The following ZMYND12 variants were observed in gnomAD, a reference collection of about 807,000 sequenced individuals.
ZMYND12 encodes the protein zinc finger MYND domain-containing protein 12.
Under a neutral mutation model 41.7 loss-of-function variants are expected in ZMYND12, and 32 were observed. The observed-to-expected ratio is 0.77, with a 90% CI of 0.58 to 1.03. The LOEUF is 1.03. Among genes scored for constraint, ZMYND12 ranks in the 50% least tolerant of loss-of-function variants. The pLI is 0.00. For synonymous variants in ZMYND12, 148 were observed against 164.8 expected (o/e 0.90, Z 0.78); for missense variants, 424 against 438.5 (o/e 0.97, Z 0.30).
At chr1:42,438,041 C>T (rs1387750229) in intron 4 of ZMYND12, among the ~76,000 whole-genome samples, 1 of 150,570 alleles carries the variant, frequency 6.6e-6, no homozygotes, top group African/African-American at 2.4e-5. Flanking sequence ...GAACTCCTGA[C>T]CTCATGATCT....
chr1:42,444,722 T>A (rs1046512059), intron 3 of ZMYND12, among the ~76,000 whole-genome samples: 4 of 152,088 alleles, frequency 2.6e-5, no homozygotes, highest in African/African-American at 9.7e-5. Context: ...TACAGTCTAC[T>A]GGAGCAGGGA....
chr1:42,430,576 A>G lies in ZMYND12; in HGVS notation c.*160T>C, dbSNP rs1432713025. 4 of 865,926 alleles carry G rather than the reference A, an allele frequency of 4.6e-6. No homozygotes were observed. The Admixed American group carries it at 9.8e-5, about 21-fold the overall frequency. The allele number at this position is 865,926 out of a possible 1,614,324, so 53.6% of individuals were successfully genotyped here. A position where few individuals can be genotyped will look rare whatever the true frequency, so the allele number is the denominator to read the frequency against. ...GCCTAAAGCTTTATATTCCCTTAAT[A>G]TGCTGTGTAAGAAAAAAATAACAGC... On this transcript the variant is annotated 3_prime_UTR_variant, in exon 8 of 8. Coordinates refer to ENST00000372565, the MANE Select transcript of ZMYND12 (RefSeq NM_032257.5).
chr1:42,444,220 A>G (rs964015439), intron 3 of ZMYND12, among the ~76,000 whole-genome samples: 6 of 152,144 alleles, frequency 3.9e-5, no homozygotes, highest in Non-Finnish European at 8.8e-5. Flanking sequence ...GAGAGAAAAG[A>G]GCATCCCAGG....
At chr1:42,437,877 TG>T (rs1480081963) in intron 4 of ZMYND12, among the ~76,000 whole-genome samples, 1 of 152,170 alleles carries the variant, frequency 6.6e-6, no homozygotes, top group African/African-American at 2.4e-5. Context: ...GGTTTCACCA[TG>T]TTAGTCAGGC....
chr1:42,455,613 A>C (rs149610261), intron 1 of ZMYND12, among the ~76,000 whole-genome samples: 11 of 152,304 alleles, frequency 7.2e-5, no homozygotes, highest in African/African-American at 2.4e-4. Flanking sequence ...GGAATGTTAG[A>C]TCTTTGAAGG....
At chr1:42,431,091 A>G (rs1481533368) in intron 7 of ZMYND12, among the ~76,000 whole-genome samples, 3 of 152,170 alleles carry the variant, frequency 2.0e-5, no homozygotes, top group Non-Finnish European at 4.4e-5. Context: ...CTAAGTACAA[A>G]CTAAGTATAC....
At chr1:42,436,224 C>G (rs1642906859) in intron 5 of ZMYND12, among the ~76,000 whole-genome samples, 197 bp downstream of exon 5, 1 of 152,244 alleles carries the variant, frequency 6.6e-6, no homozygotes, top group East Asian at 1.9e-4. Context: ...AAGGGTTAGT[C>G]TATTTTGGTA....
chr1:42,455,167 C>T (rs980749925), intron 1 of ZMYND12, among the ~76,000 whole-genome samples: 5 of 152,268 alleles, frequency 3.3e-5, no homozygotes, highest in Admixed American at 2.6e-4. Context: ...CCCTAGCAGT[C>T]CCGGATGCCG....
intron 6 of ZMYND12, among the ~76,000 whole-genome samples, chr1:42,434,411 G>A (rs1034977670): frequency 6.6e-6 from 1 of 152,118 alleles, no homozygotes; most frequent in East Asian, 1.9e-4. Flanking sequence ...CTTGGCTTAC[G>A]TGTCCTGGAG....
chr1:42,452,694 C>T (rs1302797575), intron 1 of ZMYND12, among the ~76,000 whole-genome samples: 1 of 152,038 alleles, frequency 6.6e-6, no homozygotes, highest in Non-Finnish European at 1.5e-5. Flanking sequence ...CAGAGCAAGA[C>T]TCCGTCTCAA....
chr1:42,447,400 A>T (rs1296545036), intron 3 of ZMYND12, among the ~76,000 whole-genome samples: 1 of 152,242 alleles, frequency 6.6e-6, no homozygotes, highest in Non-Finnish European at 1.5e-5. Context: ...AAAAGTCAAG[A>T]AAAGGTTGAG....
At chr1:42,433,581 CT>C (rs1247803938) in intron 6 of ZMYND12, among the ~76,000 whole-genome samples, 2 of 152,218 alleles carry the variant, frequency 1.3e-5, no homozygotes, top group African/African-American at 4.8e-5. Context: ...AGGTTTCTCT[CT>C]TTCGGAGTCC....
At chr1:42,455,113 G>A (rs1364891804) in intron 1 of ZMYND12, among the ~76,000 whole-genome samples, 4 of 152,110 alleles carry the variant, frequency 2.6e-5, no homozygotes, top group African/African-American at 9.7e-5. Flanking sequence ...CCACTACTAC[G>A]TTCTCCACTC....
chr1:42,440,552 T>C lies in ZMYND12; in HGVS notation c.425-527A>G, dbSNP rs372713831. Among the ~76,000 whole-genome samples the C allele has an allele frequency of 1.2e-3, 173 of 149,314 alleles. 1 individual carries two copies. Among genetic ancestry groups the C allele is most frequent in the African/African-American group, 4.2e-3 (164 of 38,690 alleles). On this transcript the variant is annotated intron_variant, in intron 3 of 7. Transcript: ENST00000372565. ...AAGGGAGGCACTAAGAGGGAGTAACTGCTGACAATTACAGGCTTTCTTTTA... is the reference window on the plus strand; with the variant it reads ...AAGGGAGGCACTAAGAGGGAGTAACCGCTGACAATTACAGGCTTTCTTTTA...
At position 42,448,490 on chromosome 1, in the gene ZMYND12, AG is replaced by A; in HGVS notation, c.400del (p.Leu134CysfsTer50). On this transcript the variant is annotated frameshift_variant, in exon 3 of 8. Coordinates refer to ENST00000372565, the MANE Select transcript of ZMYND12 (RefSeq NM_032257.5). LOFTEE classifies it high-confidence loss of function. ...LSSVELVPAY[L>X]LLAEASLGLG... ...ACCAAGGCTGGCCTCGGCCAACAGC[AG>A]GTAAGCAGGCACAAGCTCTACGGAG... 1 of 1,602,486 alleles carries A rather than the reference AG, an allele frequency of 6.2e-7. No homozygotes were observed. Among genetic ancestry groups the A allele is most frequent in the Non-Finnish European group, 8.5e-7 (1 of 1,173,904 alleles).
intron 6 of ZMYND12, 87 bp downstream of exon 6, chr1:42,435,187 G>A: frequency 9.8e-7 from 1 of 1,020,026 alleles, no homozygotes; most frequent in Non-Finnish European, 1.5e-6. Context: ...TCATGACAGG[G>A]ACAGCTGCTT....
At chr1:42,446,346 T>C (rs533254036) in intron 3 of ZMYND12, among the ~76,000 whole-genome samples, 72 of 152,218 alleles carry the variant, frequency 4.7e-4, no homozygotes, top group African/African-American at 1.7e-3. Context: ...CTAGTGGTCA[T>C]AGAGATATTG....
intron 4 of ZMYND12, among the ~76,000 whole-genome samples, chr1:42,437,454 GTGTGTGT>G (rs1642919683): frequency 2.0e-5 from 3 of 151,280 alleles, no homozygotes; most frequent in Non-Finnish European, 4.4e-5. Context: ...GTGTGTGTGT[GTGTGTGT>G]GTGTGTGTGT....
At chr1:42,450,149 A>G (rs1480378986) in intron 1 of ZMYND12, 90 bp from the exon 2 acceptor site, 2 of 1,471,684 alleles carry the variant, frequency 1.4e-6, no homozygotes, top group Middle Eastern at 1.8e-4. Flanking sequence ...CCTAGACACC[A>G]GAAAAGTAAG....
Sources: allele counts gnomAD v4.1 joint callset (sites outside exome capture counted in the v4.1 genomes callset), GRCh38; gene constraint gnomAD v4.1.1; transcripts MANE v1.5; gene names NCBI Gene and HGNC (gene_info 2026-07-23, HGNC 2026-07-21).